TTLL11: variants seen among roughly 807,000 people sequenced by gnomAD.
TTLL11 encodes the protein tubulin tyrosine ligase like 11.
A neutral mutation model predicts 51.7 loss-of-function variants in TTLL11; 42 were observed. The ratio of observed to expected loss-of-function variants is 0.81; its 90% CI spans 0.64 to 1.05. The LOEUF is 1.05. Among genes scored for constraint, TTLL11 ranks in the 50% least tolerant of loss-of-function variants. The pLI is 0.00. For missense variants in TTLL11, 799 were observed against 940.4 expected (o/e 0.85, Z 1.97); for synonymous variants, 381 against 383.5 (o/e 0.99, Z 0.08).
chr9:121,941,902 C>G (rs901667267), intron 6 of TTLL11, among the ~76,000 whole-genome samples: 3 of 152,122 alleles, frequency 2.0e-5, no homozygotes, highest in African/African-American at 7.2e-5. Flanking sequence ...AATCCTGCCA[C>G]CCCTGCCTCC....
intron 7 of TTLL11, among the ~76,000 whole-genome samples, chr9:121,861,896 C>T (rs1838023804): frequency 6.6e-6 from 1 of 152,220 alleles, no homozygotes; most frequent in African/African-American, 2.4e-5. Context: ...ATCAGCCACA[C>T]TAAGCCCCAG....
At chr9:121,856,338 G>C (rs1334699506) in intron 8 of TTLL11, among the ~76,000 whole-genome samples, 1 of 152,148 alleles carries the variant, frequency 6.6e-6, no homozygotes, top group Non-Finnish European at 1.5e-5. Context: ...CTCCCAAAGT[G>C]CTGGGATTAC....
At chr9:121,996,054 GA>G (rs1843249811) in intron 3 of TTLL11, among the ~76,000 whole-genome samples, 1 of 152,180 alleles carries the variant, frequency 6.6e-6, no homozygotes, top group Non-Finnish European at 1.5e-5. Flanking sequence ...GCTTATCACT[GA>G]TGAGTATCCT....
At chr9:121,828,394 T>C (rs1036925960) in intron 8 of TTLL11, among the ~76,000 whole-genome samples, 2 of 152,068 alleles carry the variant, frequency 1.3e-5, no homozygotes, top group African/African-American at 4.8e-5. Flanking sequence ...AGGCTGGTCT[T>C]AAACTCCTGA....
intron 1 of TTLL11, among the ~76,000 whole-genome samples, chr9:122,079,226 C>T (rs1845938589): frequency 6.6e-6 from 1 of 152,078 alleles, no homozygotes; most frequent in Non-Finnish European, 1.5e-5. Flanking sequence ...CTCCACAACC[C>T]TGCCAACATG....
intron 6 of TTLL11, among the ~76,000 whole-genome samples, chr9:121,895,288 G>A (rs1406405572): frequency 1.3e-5 from 2 of 151,782 alleles, no homozygotes; most frequent in Non-Finnish European, 2.9e-5. Flanking sequence ...ATGTTTGTGT[G>A]TGTTTGTGTA....
chr9:121,931,583 T>TAAAAA lies in TTLL11; in HGVS notation c.1481+42425_1481+42426insTTTTT, dbSNP rs1564311677. On this transcript the variant is annotated intron_variant, in intron 6 of 8. Transcript: ENST00000321582. Reference sequence around the variant, plus strand: ...CATGGTAAAACCCTGTTTCTACTATTTAAAAAAAAAAAAAAAAAAAAAGAA... The same window carrying TAAAAA: ...CATGGTAAAACCCTGTTTCTACTATTAAAAATAAAAAAAAAAAAAAAAAAAAAGAA... Among the ~76,000 whole-genome samples, 202 of 103,148 alleles carry TAAAAA rather than the reference T, an allele frequency of 2.0e-3. 6 individuals carry two copies. Among genetic ancestry groups the TAAAAA allele is most frequent in the Non-Finnish European group, 2.8e-3 (137 of 49,264 alleles). The allele number at this position is 103,148 out of a possible 152,430, so 67.7% of individuals were successfully genotyped here.
In TTLL11 at chr9:121,974,882, A is replaced by C. The variant is rs1842661328; in HGVS notation, c.1365+2T>G. 1 of 1,540,156 alleles carries C rather than the reference A, an allele frequency of 6.5e-7. No individual in the cohort carries two copies. Among genetic ancestry groups the C allele is most frequent in the African/African-American group, 1.4e-5 (1 of 72,466 alleles). On this transcript the variant is annotated splice_donor_variant, in intron 5 of 8. Coordinates refer to ENST00000321582, the MANE Select transcript of TTLL11 (RefSeq NM_001139442.2). LOFTEE classifies it high-confidence loss of function. ...AGTCAATGAGATGCTCAAAATACTT[A>C]CTTCGTGCTCATGTTCGATTCTCAT...
rs964412079 is a variant in TTLL11 at position 121,989,922 on chromosome 9, C to T, written c.694-152G>A. 3 of 1,449,974 alleles carry T rather than the reference C, an allele frequency of 2.1e-6. No individual in the cohort carries two copies. The African/African-American group carries it at 4.3e-5, about 21-fold the overall frequency. 89.8% of individuals were successfully genotyped at this position (1,449,974 alleles called of 1,614,324 possible). Reference sequence around the variant, plus strand: ...CTGAGCATCTTCCATGGAGATGACACTGCACAAGGTACTGAGATGGTGACA... The same window carrying T: ...CTGAGCATCTTCCATGGAGATGACATTGCACAAGGTACTGAGATGGTGACA... On this transcript the variant is annotated intron_variant, in intron 3 of 8. Transcript: ENST00000321582. The surrounding 1 kb of genome is among the most constrained non-coding windows in gnomAD (Gnocchi z 4.2).
intron 3 of TTLL11, among the ~76,000 whole-genome samples, chr9:122,007,571 A>G (rs534569413): frequency 6.6e-6 from 1 of 152,318 alleles, no homozygotes; most frequent in East Asian, 1.9e-4. Context: ...ATAGATATTG[A>G]TGGTAAAATA....
chr9:121,986,735 G>A (rs927796682), intron 4 of TTLL11, among the ~76,000 whole-genome samples: 2 of 152,032 alleles, frequency 1.3e-5, no homozygotes, highest in African/African-American at 4.8e-5. Context: ...TCCTCTCTGG[G>A]TTTGAGGCTG....
At chr9:122,013,606 C>A (rs1041076783) in intron 3 of TTLL11, among the ~76,000 whole-genome samples, 11 of 152,160 alleles carry the variant, frequency 7.2e-5, no homozygotes, top group African/African-American at 2.7e-4. Context: ...CTAGTCTCAG[C>A]GAATCACACC....
intron 6 of TTLL11, among the ~76,000 whole-genome samples, chr9:121,943,545 A>G (rs186256498): frequency 1.2e-3 from 178 of 152,330 alleles, no homozygotes; most frequent in African/African-American, 4.0e-3. Context: ...GCAAAATGAC[A>G]AACTGCTACA....
intron 3 of TTLL11, among the ~76,000 whole-genome samples, chr9:122,023,310 G>A (rs1844229982): frequency 6.6e-6 from 1 of 151,842 alleles, no homozygotes; most frequent in South Asian, 2.1e-4. Flanking sequence ...GTAGTTAAAA[G>A]TTTCCCACAA....
chr9:121,884,889 T>C (rs1838950068), intron 6 of TTLL11: 1 of 152,202 alleles, frequency 6.6e-6, no homozygotes, highest in South Asian at 2.1e-4. Flanking sequence ...CCTGACCTAA[T>C]GCAGCCTCAA....
At chr9:121,914,282 G>A (rs999002689) in intron 6 of TTLL11, among the ~76,000 whole-genome samples, 1 of 152,172 alleles carries the variant, frequency 6.6e-6, no homozygotes, top group Non-Finnish European at 1.5e-5. Context: ...GAATAGATGT[G>A]GCAGAGATAG....
intron 6 of TTLL11, among the ~76,000 whole-genome samples, chr9:121,951,846 T>A (rs960765011): frequency 2.0e-5 from 3 of 152,234 alleles, no homozygotes. Context: ...GGTTATTTCT[T>A]GATGACATGC....
chr9:121,964,033 T>G (rs896998682), intron 6 of TTLL11, among the ~76,000 whole-genome samples: 7 of 152,060 alleles, frequency 4.6e-5, no homozygotes, highest in Non-Finnish European at 1.0e-4. Context: ...ATGATGAAAT[T>G]TCTGGCTTTT....
Position 121,995,349 on chromosome 9 carries a change from T to A in TTLL11, c.694-5579A>T, listed in dbSNP as rs151031375. On this transcript the variant is annotated intron_variant, in intron 3 of 8. Transcript: ENST00000321582. The surrounding 1 kb of genome is among the most constrained non-coding windows in gnomAD (Gnocchi z 4.4). ...ATCACCAGGGCACCCAGGAGGAAGA[T>A]AGTTTGGAAGGAATGAAACCAGGTG... Among the ~76,000 whole-genome samples, 4 of 152,136 alleles carry A rather than the reference T, an allele frequency of 2.6e-5. No individual in the cohort carries two copies. Among genetic ancestry groups the A allele is most frequent in the African/African-American group, 9.6e-5 (4 of 41,504 alleles).
Sources: allele counts gnomAD v4.1 joint callset (sites outside exome capture counted in the v4.1 genomes callset), GRCh38; gene constraint gnomAD v4.1.1; non-coding constraint Gnocchi (gnomAD v3.1); transcripts MANE v1.5; gene names NCBI Gene and HGNC (gene_info 2026-07-23, HGNC 2026-07-21).